GSG1: variants seen among roughly 807,000 people sequenced by gnomAD.
GSG1 encodes the protein germ cell associated 1, also known as germ cell-specific gene 1 protein.
In GSG1, 28 loss-of-function variants were observed where a neutral mutation model predicts 30.8. The ratio of observed to expected loss-of-function variants is 0.91; its 90% CI spans 0.67 to 1.25. The LOEUF is 1.25. Ranked by LOEUF, GSG1 falls within the 50% of genes most tolerant of loss-of-function variation. The pLI, the probability that GSG1 is intolerant of heterozygous loss-of-function variation, is 0.00. For missense variants in GSG1, 435 were observed against 444.7 expected, an observed-to-expected ratio of 0.98 and a Z score of 0.20; for synonymous variants, 162 against 178.0, an observed-to-expected ratio of 0.91 and a Z score of 0.71.
chr12:13,103,386 A>G, intron 1 of GSG1, 79 bp downstream of exon 1: 1 of 1,013,664 alleles, frequency 9.9e-7, no homozygotes, highest in Non-Finnish European at 1.6e-6. Context: ...TTGATGAGTT[A>G]GTGTAACCTG....
chr12:13,090,401 G>T, intron 2 of GSG1, 102 bp downstream of exon 2: 3 of 1,108,116 alleles, frequency 2.7e-6, no homozygotes, highest in Non-Finnish European at 2.6e-6. Context: ...TGCACTTCCA[G>T]GGCAACGCCA....
In GSG1 at chr12:13,101,426, C is replaced by T. The variant is rs866679795; in HGVS notation, c.48+2039G>A. ...TCCTGACCGGGTCGGGCGGGGGTAC[C>T]CGGGCTGTTTCTTCCTCTGGGTCTT... On this transcript the variant is annotated intron_variant, in intron 1 of 6. Coordinates refer to ENST00000651961, the MANE Select transcript of GSG1 (RefSeq NM_001080555.4). This position sits in a 1 kb window ranked among gnomAD's most constrained non-coding sequence, Gnocchi z 5.8. 4.6e-5 allele frequency among the ~76,000 whole-genome samples: 7 copies of T among 152,352 alleles called. No individual in the cohort carries two copies. The South Asian group carries it at 1.2e-3, about 27-fold the overall frequency.
intron 1 of GSG1, among the ~76,000 whole-genome samples, chr12:13,099,117 C>T (rs1320697748): frequency 2.0e-5 from 3 of 152,076 alleles, no homozygotes; most frequent in Admixed American, 2.0e-4. Context: ...GTCTTGATTC[C>T]CCCTCCCCAA....
At chr12:13,096,202 G>A (rs1052177374) in intron 1 of GSG1, among the ~76,000 whole-genome samples, 1 of 152,114 alleles carries the variant, frequency 6.6e-6, no homozygotes, top group African/African-American at 2.4e-5. Context: ...TGCCGGGCGT[G>A]GTGGATCACG....
chr12:13,102,373 C>T (rs984061942), intron 1 of GSG1, among the ~76,000 whole-genome samples: 4 of 152,188 alleles, frequency 2.6e-5, no homozygotes, highest in South Asian at 4.1e-4. Flanking sequence ...AGCAACCAGA[C>T]GCTCCCATAT....
intron 1 of GSG1, among the ~76,000 whole-genome samples, chr12:13,091,211 T>C (rs534065034): frequency 6.6e-6 from 1 of 152,314 alleles, no homozygotes; most frequent in African/African-American, 2.4e-5. Flanking sequence ...CCTAAAAATA[T>C]TACTCTAACT....
Position 13,090,564 on chromosome 12 carries a change from G to A in GSG1, c.303C>T (p.Phe101=). Residue 101 remains phenylalanine, a synonymous_variant, in exon 2 of 7, where the codon TTC becomes TTT. Coordinates refer to ENST00000651961, the MANE Select transcript of GSG1 (RefSeq NM_001080555.4). ...QYNWETGDDR[F]SFRSFRSGMW... is the part of the protein sequence containing the mutation. ...TGCCACTCCGGAAGCTCCGGAAGGAGAACCGGTCATCCCCAGTCTCCCAGT... is the reference window on the plus strand; with the variant it reads ...TGCCACTCCGGAAGCTCCGGAAGGAAAACCGGTCATCCCCAGTCTCCCAGT... The A allele has an allele frequency of 6.2e-7, 1 of 1,614,230 alleles. No homozygotes were observed. Among genetic ancestry groups the A allele is most frequent in the Non-Finnish European group, 8.5e-7 (1 of 1,180,026 alleles).
chr12:13,100,323 C>T (rs1863107038), intron 1 of GSG1, among the ~76,000 whole-genome samples: 1 of 152,222 alleles, frequency 6.6e-6, no homozygotes, highest in Non-Finnish European at 1.5e-5. Context: ...AAAGGAAGCC[C>T]TGGGTCCACA....
intron 4 of GSG1, 192 bp downstream of exon 4, chr12:13,088,670 A>G (rs376026378): frequency 0.013 from 18,075 of 1,384,182 alleles, 163 homozygotes; most frequent in Non-Finnish European, 0.016. Flanking sequence ...GGGAGATCAC[A>G]GTGCAGTTTA....
At chr12:13,097,286 C>T (rs1171474361) in intron 1 of GSG1, among the ~76,000 whole-genome samples, 1 of 152,134 alleles carries the variant, frequency 6.6e-6, no homozygotes, top group African/African-American at 2.4e-5. Flanking sequence ...AAAAAGTCAT[C>T]CACTCTTTGA....
intron 3 of GSG1, 65 bp downstream of exon 3, chr12:13,089,143 T>G: frequency 6.8e-7 from 1 of 1,475,466 alleles, no homozygotes; most frequent in Non-Finnish European, 9.2e-7. Context: ...TGAGAGCACC[T>G]ACATAGCTTA....
intron 1 of GSG1, among the ~76,000 whole-genome samples, chr12:13,100,518 C>G (rs531504041): frequency 1.3e-5 from 2 of 152,266 alleles, no homozygotes; most frequent in Non-Finnish European, 1.5e-5. Context: ...ACAGATTGCT[C>G]AAAAACCAGT....
chr12:13,101,682 G>T lies in GSG1; in HGVS notation c.48+1783C>A, dbSNP rs891681202. On this transcript the variant is annotated intron_variant, in intron 1 of 6. Transcript: ENST00000651961. The surrounding 1 kb of genome is among the most constrained non-coding windows in gnomAD (Gnocchi z 5.8). ...CCTTACACCCAGGCCGGTGGGCCAG[G>T]GCTCGGGATGTGTCGAGCTGCTGGA... Among the ~76,000 whole-genome samples, 9 of 152,246 alleles carry T rather than the reference G, an allele frequency of 5.9e-5. No homozygotes were observed. The highest frequency in any genetic ancestry group is 2.2e-4 in the African/African-American group (9 of 41,478).
intron 1 of GSG1, among the ~76,000 whole-genome samples, chr12:13,102,383 T>C (rs781049036): frequency 3.9e-5 from 6 of 152,242 alleles, no homozygotes; most frequent in African/African-American, 7.2e-5. Context: ...CGCTCCCATA[T>C]TCCCTCTGTG....
Position 13,083,672 on chromosome 12 carries a change from C to G in GSG1, c.*1229G>C, listed in dbSNP as rs1310525341. The G allele has an allele frequency of 6.9e-6, 1 of 145,376 alleles. No homozygotes were observed. The highest frequency in any genetic ancestry group is 1.5e-5 in the Non-Finnish European group (1 of 66,276). The allele number at this position is 145,376 out of a possible 1,614,324, so 9.0% of individuals were successfully genotyped here. A position where few individuals can be genotyped will look rare whatever the true frequency, so the allele number is the denominator to read the frequency against. Reference sequence around the variant, plus strand: ...ATTTACGTTAGTATATCTCCTAATGCTATCCCTCCCCCCTCCCCCCACCCC... The same window carrying G: ...ATTTACGTTAGTATATCTCCTAATGGTATCCCTCCCCCCTCCCCCCACCCC... On this transcript the variant is annotated 3_prime_UTR_variant, in exon 7 of 7. Coordinates refer to ENST00000651961, the MANE Select transcript of GSG1 (RefSeq NM_001080555.4).
At position 13,093,771 on chromosome 12, in the gene GSG1, C is replaced by G. The variant is rs1866393073; in HGVS notation, c.49-2953G>C. Among the ~76,000 whole-genome samples the G allele has an allele frequency of 6.6e-6, 1 of 152,104 alleles. No homozygotes were observed. Among genetic ancestry groups the G allele is most frequent in the South Asian group, 2.1e-4 (1 of 4,826 alleles). On this transcript the variant is annotated intron_variant, in intron 1 of 6. Transcript: ENST00000651961. The surrounding 1 kb of genome is among the most constrained non-coding windows in gnomAD (Gnocchi z 4.6). ...CACAGTGGGGACATAGGGGAGGCTGCCGAAAGAACTGAGGCCCCAGATGGC... is the reference window on the plus strand; with the variant it reads ...CACAGTGGGGACATAGGGGAGGCTGGCGAAAGAACTGAGGCCCCAGATGGC...
chr12:13,088,002 C>T lies in GSG1; in HGVS notation c.539G>A (p.Ser180Asn). The change falls in exon 5 of 7, where the codon AGC becomes AAC. Residue 180 changes from serine to asparagine, a missense_variant. Physicochemically the swap from Ser to Asn is conservative, Grantham distance 46. Transcript: ENST00000651961. Reference protein sequence around the residue: ...QITYIGLQFISFLLLLTDLLL... With the variant: ...QITYIGLQFINFLLLLTDLLL... ...CAAGTCTGTTAGTAGCAGGAGGAAG[C>T]TGATGAATTGAAGTCCGATGTAGGT... The T allele has an allele frequency of 6.2e-7, 1 of 1,614,232 alleles. No homozygotes were observed. The highest frequency in any genetic ancestry group is 2.2e-5 in the East Asian group (1 of 44,888).
intron 6 of GSG1, among the ~76,000 whole-genome samples, chr12:13,086,019 C>T (rs1244156497): frequency 1.3e-5 from 2 of 152,170 alleles, no homozygotes; most frequent in Non-Finnish European, 2.9e-5. Context: ...CTAAATCTCC[C>T]TGTGGTTCTG....
intron 1 of GSG1, among the ~76,000 whole-genome samples, chr12:13,102,250 GC>G (rs2121009384): frequency 6.6e-6 from 1 of 152,266 alleles, no homozygotes; most frequent in Non-Finnish European, 1.5e-5. Context: ...CTCAGTAAAA[GC>G]CAAGGCACAG....
Sources: gnomAD v4.1 joint callset for allele counts (sites outside exome capture counted in the v4.1 genomes callset) on GRCh38, gnomAD v4.1.1 for gene constraint, Gnocchi (gnomAD v3.1) non-coding constraint, MANE v1.5 for transcripts, NCBI Gene and HGNC (gene_info 2026-07-23, HGNC 2026-07-21) for gene names.